PLXNA4: variants seen among roughly 807,000 people sequenced by gnomAD.
PLXNA4 encodes the protein plexin A4.
PLXNA4 carries 44 observed loss-of-function variants against 191.8 expected under a neutral mutation model. That is an observed-to-expected ratio of 0.23 (90% CI 0.18 to 0.29). The LOEUF (loss-of-function observed/expected upper bound fraction) is 0.29, where lower values mean the gene tolerates loss of function less well. Ranked by LOEUF, PLXNA4 falls within the 10% of genes least tolerant of loss-of-function variation. The probability of loss-of-function intolerance (pLI) is 1.00; values close to 1 mark genes in which losing one functional copy is unlikely to be tolerated. For synonymous variants in PLXNA4, 1,082 were observed against 1,009.5 expected (o/e 1.07, Z -1.36); for missense variants, 1,800 against 2,488.8 (o/e 0.72, Z 5.89).
At chr7:132,440,309 C>T (rs1795646948) in intron 3 of PLXNA4, among the ~76,000 whole-genome samples, 1 of 152,192 alleles carries the variant, frequency 6.6e-6, no homozygotes. Flanking sequence ...ACCCCATCAA[C>T]ATGACACAGC....
At chr7:132,492,333 C>T (rs955121111) in intron 2 of PLXNA4, among the ~76,000 whole-genome samples, 11 of 152,074 alleles carry the variant, frequency 7.2e-5, no homozygotes, top group East Asian at 1.9e-4. Context: ...TGGCTGGGCA[C>T]GACAGAAGGA....
chr7:132,137,889 GGGAGGAC>G (rs1333461827), intron 30 of PLXNA4, among the ~76,000 whole-genome samples: 1 of 151,870 alleles, frequency 6.6e-6, no homozygotes, highest in Non-Finnish European at 1.5e-5. Context: ...GAGGGCAGGT[GGGAGGAC>G]GGATGAGAGG....
intron 5 of PLXNA4, among the ~76,000 whole-genome samples, chr7:132,238,444 T>C (rs1798774479): frequency 6.6e-6 from 1 of 152,162 alleles, no homozygotes; most frequent in Admixed American, 6.5e-5. Flanking sequence ...GCATGTGAAC[T>C]TGAGTCCACT....
Position 132,541,335 on chromosome 7 carries a change from C to G in PLXNA4, c.-86-32556G>C, listed in dbSNP as rs563544043. 2.0e-4 allele frequency among the ~76,000 whole-genome samples: 31 copies of G among 152,338 alleles called. No individual in the cohort carries two copies. The South Asian group carries it at 6.4e-3, about 32-fold the overall frequency. ...CCCCACAAACCATTAAGCTGTCAAG[C>G]TGAGTTGGTGAACAAACCCAGAGAG... On this transcript the variant is annotated intron_variant, in intron 1 of 31. Transcript: ENST00000321063.
chr7:132,187,883 G>A (rs1796931641), intron 14 of PLXNA4, among the ~76,000 whole-genome samples: 2 of 151,816 alleles, frequency 1.3e-5, no homozygotes, highest in African/African-American at 2.4e-5. Context: ...AATTATACAT[G>A]TATGTGTATA....
intron 25 of PLXNA4, among the ~76,000 whole-genome samples, chr7:132,153,060 T>C (rs1433592047): frequency 6.6e-6 from 1 of 152,094 alleles, no homozygotes. Flanking sequence ...ACTCCTTGTG[T>C]GGAGAGGCTG....
intron 4 of PLXNA4, among the ~76,000 whole-genome samples, chr7:132,267,068 C>CA (rs1477119240): frequency 6.6e-6 from 1 of 152,160 alleles, no homozygotes; most frequent in Non-Finnish European, 1.5e-5. Context: ...GAAACTGTCG[C>CA]AAGGCTTGGG....
intron 2 of PLXNA4, among the ~76,000 whole-genome samples, chr7:132,587,710 A>G (rs926792122): frequency 3.9e-5 from 6 of 152,066 alleles, no homozygotes; most frequent in South Asian, 2.1e-4. Flanking sequence ...AGCCAGAAAC[A>G]TAAGGCCAAG....
At chr7:132,133,234 C>T (rs751119972) in intron 30 of PLXNA4, 35 bp from the exon 31 acceptor site, 28 of 1,608,762 alleles carry the variant, frequency 1.7e-5, no homozygotes, top group Middle Eastern at 1.7e-4. Context: ...AAGCTGAAGT[C>T]GTGCATACGG....
chr7:132,525,987 A>C (rs1458609354), intron 1 of PLXNA4, among the ~76,000 whole-genome samples: 1 of 152,168 alleles, frequency 6.6e-6, no homozygotes, highest in Non-Finnish European at 1.5e-5. Context: ...CTCTGGGAAC[A>C]CTGTTCCATG....
intron 2 of PLXNA4, among the ~76,000 whole-genome samples, chr7:132,614,114 A>G (rs192466644): frequency 9.2e-5 from 14 of 152,386 alleles, no homozygotes; most frequent in Admixed American, 4.6e-4. Context: ...TTTTTCTAGT[A>G]GCCACATTAG....
rs188432248 is a variant in PLXNA4, at chr7:132,332,455, G to A, written c.1372-34233C>T. On this transcript the variant is annotated intron_variant, in intron 3 of 31. Coordinates refer to ENST00000321063, the MANE Select transcript of PLXNA4 (RefSeq NM_020911.2). ...GCTGGCTGAGATGGTGCGAGCTAGGGAAGCCAGTGGGAAGGGCGGGAATCA... is the reference window on the plus strand; with the variant it reads ...GCTGGCTGAGATGGTGCGAGCTAGGAAAGCCAGTGGGAAGGGCGGGAATCA... Among the ~76,000 whole-genome samples, 14 of 152,288 alleles carry A rather than the reference G, an allele frequency of 9.2e-5. No homozygotes were observed. In the East Asian group the frequency reaches 2.7e-3, roughly 29 times the overall value.
At chr7:132,596,983 C>T (rs1802720909) in intron 2 of PLXNA4, among the ~76,000 whole-genome samples, 1 of 151,998 alleles carries the variant, frequency 6.6e-6, no homozygotes, top group Non-Finnish European at 1.5e-5. Flanking sequence ...ACACTAACTA[C>T]ATTGGGAGTA....
chr7:132,279,639 A>C (rs565078919), intron 4 of PLXNA4, among the ~76,000 whole-genome samples: 1 of 152,126 alleles, frequency 6.6e-6, no homozygotes, highest in African/African-American at 2.4e-5. Flanking sequence ...TGTCTCAGCG[A>C]AGAAAAAAAA....
chr7:132,471,232 G>T (rs925795779), intron 3 of PLXNA4, among the ~76,000 whole-genome samples: 1 of 152,166 alleles, frequency 6.6e-6, no homozygotes, highest in Non-Finnish European at 1.5e-5. Context: ...CGTGCCCAGA[G>T]CCAAGCAGAT....
chr7:132,520,018 C>T (rs1275064598), intron 1 of PLXNA4, among the ~76,000 whole-genome samples: 1 of 152,184 alleles, frequency 6.6e-6, no homozygotes, highest in Non-Finnish European at 1.5e-5. Flanking sequence ...GGGAAGTTTC[C>T]ACAAACAGCC....
intron 10 of PLXNA4, among the ~76,000 whole-genome samples, chr7:132,206,532 G>A (rs1220742707): frequency 6.6e-6 from 1 of 151,540 alleles, no homozygotes; most frequent in Admixed American, 6.6e-5. Flanking sequence ...AAGACATTAG[G>A]ATCACATGTG....
intron 1 of PLXNA4, among the ~76,000 whole-genome samples, chr7:132,648,212 C>T (rs987334878): frequency 6.6e-6 from 1 of 152,210 alleles, no homozygotes; most frequent in Non-Finnish European, 1.5e-5. Flanking sequence ...TATGCATACA[C>T]TTACACACTC....
Position 132,454,349 on chromosome 7 carries a change from C to A in PLXNA4, c.1371+34943G>T, listed in dbSNP as rs76197130. 4.6e-5 allele frequency among the ~76,000 whole-genome samples: 7 copies of A among 152,116 alleles called. No individual in the cohort carries two copies. In the South Asian group the frequency reaches 8.3e-4, roughly 18 times the overall value. On this transcript the variant is annotated intron_variant, in intron 3 of 31. Coordinates refer to ENST00000321063, the MANE Select transcript of PLXNA4 (RefSeq NM_020911.2). ...CCTTCTTAAGAACAACAACAAGAAG[C>A]CTCTCCATTTTCTTTGCAGTTAATT...
Sources: gnomAD v4.1 joint callset for allele counts (sites outside exome capture counted in the v4.1 genomes callset) on GRCh38, gnomAD v4.1.1 for gene constraint, MANE v1.5 for transcripts, NCBI Gene and HGNC (gene_info 2026-07-23, HGNC 2026-07-21) for gene names.